The following RGS7 variants were observed in gnomAD, a reference collection of about 807,000 sequenced individuals.
The protein encoded by RGS7 is regulator of G-protein signaling 7.
RGS7 carries 27 observed loss-of-function variants against 81.1 expected under a neutral mutation model. The observed-to-expected ratio is 0.33, with a 90% CI of 0.25 to 0.46. RGS7 has a LOEUF of 0.46. Ranked by LOEUF, RGS7 falls within the 20% of genes least tolerant of loss-of-function variation. The probability of loss-of-function intolerance (pLI) is 1.00; values close to 1 mark genes in which losing one functional copy is unlikely to be tolerated. For missense variants in RGS7, 396 were observed against 607.4 expected (o/e 0.65, Z 3.66); for synonymous variants, 208 against 207.7 (o/e 1.00, Z -0.01).
At chr1:241,233,336 T>C (rs1368324588) in intron 2 of RGS7, among the ~76,000 whole-genome samples, 1 of 152,216 alleles carries the variant, frequency 6.6e-6, no homozygotes, top group Non-Finnish European at 1.5e-5. Context: ...TATGTCTTCT[T>C]TCAAGCTGTG....
chr1:241,278,500 G>T (rs916979912), intron 2 of RGS7, among the ~76,000 whole-genome samples: 2 of 152,166 alleles, frequency 1.3e-5, no homozygotes, highest in African/African-American at 4.8e-5. Flanking sequence ...CGCAGCCATT[G>T]TTGTTGTTAG....
At chr1:240,895,039 C>T (rs1357198546) in intron 6 of RGS7, among the ~76,000 whole-genome samples, 3 of 152,120 alleles carry the variant, frequency 2.0e-5, no homozygotes, top group African/African-American at 7.2e-5. Flanking sequence ...GGGGCTGTCC[C>T]ATGATAGTGA....
chr1:240,908,955 C>A (rs558842676), intron 6 of RGS7, among the ~76,000 whole-genome samples: 38 of 152,316 alleles, frequency 2.5e-4, no homozygotes, highest in Non-Finnish European at 4.1e-4. Context: ...ATTTGGAACG[C>A]ACGAACTAAA....
chr1:241,138,053 C>A (rs1248530401), intron 2 of RGS7, among the ~76,000 whole-genome samples: 2 of 151,796 alleles, frequency 1.3e-5, no homozygotes. Flanking sequence ...TGCCTGTAAT[C>A]CCAGCCTACT....
intron 4 of RGS7, among the ~76,000 whole-genome samples, chr1:240,957,270 T>A (rs892716528): frequency 6.6e-6 from 1 of 152,188 alleles, no homozygotes; most frequent in African/African-American, 2.4e-5. Context: ...GACTCCAGGT[T>A]CTTCAGCTTT....
chr1:240,950,565 A>G (rs1284093414), intron 4 of RGS7, among the ~76,000 whole-genome samples: 1 of 152,204 alleles, frequency 6.6e-6, no homozygotes, highest in Non-Finnish European at 1.5e-5. Context: ...CTTCTGGAGA[A>G]CACTTGCAAA....
intron 2 of RGS7, among the ~76,000 whole-genome samples, chr1:241,171,717 C>T (rs933492222): frequency 3.3e-5 from 5 of 152,150 alleles, no homozygotes; most frequent in Non-Finnish European, 7.3e-5. Flanking sequence ...AAGTCGGTAC[C>T]CTATCCGTGA....
chr1:241,351,384 A>T (rs1573802941), intron 2 of RGS7, among the ~76,000 whole-genome samples: 1 of 150,966 alleles, frequency 6.6e-6, no homozygotes. Flanking sequence ...GCACCACTGC[A>T]CTCCAGCCTG....
chr1:241,099,510 T>A (rs897271233), intron 2 of RGS7, among the ~76,000 whole-genome samples: 2 of 152,220 alleles, frequency 1.3e-5, no homozygotes, highest in African/African-American at 2.4e-5. Context: ...TTCCCCTTTA[T>A]CTTTGTTTCA....
chr1:240,911,533 A>C (rs1671747820), intron 6 of RGS7, among the ~76,000 whole-genome samples: 1 of 152,326 alleles, frequency 6.6e-6, no homozygotes, highest in African/African-American at 2.4e-5. Flanking sequence ...CTAGTGATTC[A>C]AAAATCTTTC....
intron 2 of RGS7, among the ~76,000 whole-genome samples, chr1:241,120,010 G>A (rs1289316590): frequency 1.3e-5 from 2 of 152,302 alleles, no homozygotes; most frequent in East Asian, 1.9e-4. Flanking sequence ...TCCGAGTGGC[G>A]TGTTGTAAGT....
At chr1:241,175,277 A>G (rs2071046544) in intron 2 of RGS7, among the ~76,000 whole-genome samples, 1 of 152,188 alleles carries the variant, frequency 6.6e-6, no homozygotes, top group Non-Finnish European at 1.5e-5. Flanking sequence ...TGGAAGCTAT[A>G]ACATTCTCTA....
At chr1:240,841,273 A>G (rs988742084) in intron 9 of RGS7, among the ~76,000 whole-genome samples, 2 of 152,204 alleles carry the variant, frequency 1.3e-5, no homozygotes, top group African/African-American at 4.8e-5. Context: ...ATGAGAATAG[A>G]GCAGGCCTCT....
At chr1:241,078,841 G>A (rs1214551782) in intron 3 of RGS7, among the ~76,000 whole-genome samples, 1 of 152,000 alleles carries the variant, frequency 6.6e-6, no homozygotes, top group Non-Finnish European at 1.5e-5. Context: ...TCAGAGCCAG[G>A]GCTGCCGTTT....
intron 3 of RGS7, among the ~76,000 whole-genome samples, chr1:240,984,712 G>A (rs1463093600): frequency 6.6e-6 from 1 of 152,110 alleles, no homozygotes; most frequent in East Asian, 1.9e-4. Context: ...AGCCTCTCCT[G>A]GAGGCTGGCT....
intron 2 of RGS7, among the ~76,000 whole-genome samples, chr1:241,124,511 T>C (rs1032046459): frequency 2.0e-5 from 3 of 152,228 alleles, no homozygotes; most frequent in African/African-American, 7.2e-5. Flanking sequence ...AGGATAGCCC[T>C]ATTCCCTCTT....
At chr1:241,219,859 G>T (rs900033894) in intron 2 of RGS7, among the ~76,000 whole-genome samples, 1 of 152,026 alleles carries the variant, frequency 6.6e-6, no homozygotes, top group Non-Finnish European at 1.5e-5. Context: ...TTTCATTCTT[G>T]GTTTAGCTGA....
intron 9 of RGS7, among the ~76,000 whole-genome samples, chr1:240,843,259 C>A (rs1658441937): frequency 6.6e-6 from 1 of 151,944 alleles, no homozygotes; most frequent in African/African-American, 2.4e-5. Context: ...GGACAAATAT[C>A]TTTTTTTCTT....
At chr1:241,347,897 T>C (rs1403235583) in intron 2 of RGS7, among the ~76,000 whole-genome samples, 1 of 152,016 alleles carries the variant, frequency 6.6e-6, no homozygotes, top group Non-Finnish European at 1.5e-5. Flanking sequence ...TGTTGTATTC[T>C]CTTGAAAAAA....
Sources: allele counts gnomAD v4.1 joint callset (sites outside exome capture counted in the v4.1 genomes callset), GRCh38; gene constraint gnomAD v4.1.1; transcripts MANE v1.5; gene names NCBI Gene and HGNC (gene_info 2026-07-23, HGNC 2026-07-21).